The following CYRIA variants were observed in gnomAD, a reference collection of about 807,000 sequenced individuals.
CYRIA encodes the protein CYFIP related Rac1 interactor A.
Under a neutral mutation model 43.9 loss-of-function variants are expected in CYRIA, and 15 were observed. That is an observed-to-expected ratio of 0.34 (90% CI 0.23 to 0.53). The LOEUF is 0.53. Among genes scored for constraint, CYRIA ranks in the 20% least tolerant of loss-of-function variants. The pLI is 0.94. For missense variants in CYRIA, 236 were observed against 394.2 expected, an observed-to-expected ratio of 0.60 and a Z score of 3.40; for synonymous variants, 117 against 136.0, an observed-to-expected ratio of 0.86 and a Z score of 0.97.
intron 2 of CYRIA, among the ~76,000 whole-genome samples, chr2:16,613,259 C>G (rs1437904129): frequency 6.6e-6 from 1 of 152,218 alleles, no homozygotes; most frequent in African/African-American, 2.4e-5. Flanking sequence ...CTGCCTCCAC[C>G]TCTGGGCAGG....
intron 1 of CYRIA, among the ~76,000 whole-genome samples, chr2:16,632,390 G>C (rs1364110662): frequency 6.6e-6 from 1 of 152,204 alleles, no homozygotes; most frequent in African/African-American, 2.4e-5. Flanking sequence ...CTGAAGTTCA[G>C]AGGGTGCCTG....
At chr2:16,607,214 C>T (rs546366142) in intron 2 of CYRIA, among the ~76,000 whole-genome samples, 116 of 151,138 alleles carry the variant, frequency 7.7e-4, no homozygotes, top group African/African-American at 2.6e-3. Flanking sequence ...GCTTGGTACC[C>T]GAGCAAGCTG....
At chr2:16,601,293 G>C (rs879312937) in intron 2 of CYRIA, among the ~76,000 whole-genome samples, 13 of 152,156 alleles carry the variant, frequency 8.5e-5, no homozygotes, top group Admixed American at 2.6e-4. Context: ...TTGGCTGAGA[G>C]AAGCCCTCCA....
intron 3 of CYRIA, among the ~76,000 whole-genome samples, chr2:16,581,612 T>C (rs1052698825): frequency 2.0e-5 from 3 of 152,168 alleles, no homozygotes; most frequent in African/African-American, 4.8e-5. Context: ...TGGGTACATA[T>C]GCTATGTATA....
intron 2 of CYRIA, 76 bp from the exon 3 acceptor site, chr2:16,588,205 C>T (rs1226514322): frequency 2.3e-6 from 2 of 882,450 alleles, no homozygotes; most frequent in African/African-American, 1.7e-5. Context: ...CCCTGGGCCC[C>T]CCATAGCTAC....
At chr2:16,658,378 G>T (rs1173262080) in intron 1 of CYRIA, among the ~76,000 whole-genome samples, 2 of 152,168 alleles carry the variant, frequency 1.3e-5, no homozygotes, top group Non-Finnish European at 2.9e-5. Context: ...TTATTCAAAG[G>T]TCAGGCCAGA....
chr2:16,637,113 G>C (rs1363595782), intron 1 of CYRIA, among the ~76,000 whole-genome samples: 1 of 150,916 alleles, frequency 6.6e-6, no homozygotes. Flanking sequence ...AGTGGATCTT[G>C]TGATGCCCAG....
At chr2:16,566,016 G>A (rs937031058) in intron 3 of CYRIA, among the ~76,000 whole-genome samples, 1 of 152,088 alleles carries the variant, frequency 6.6e-6, no homozygotes, top group East Asian at 1.9e-4. Context: ...GTCATCATAG[G>A]CACTTATTTA....
chr2:16,663,881 C>T (rs372519448), intron 1 of CYRIA, among the ~76,000 whole-genome samples: 1 of 152,102 alleles, frequency 6.6e-6, no homozygotes, highest in African/African-American at 2.4e-5. Context: ...TGTGATCCCT[C>T]GGACAGGACC....
At position 16,650,758 on chromosome 2, in the gene CYRIA, T is replaced by A. The variant is rs1286941262; in HGVS notation, c.-167+15022A>T. The stretch of plus-strand genomic sequence containing the variant: ...GGAATGGCAACAATCAGAGGGTGTG[T>A]TATTTCACCAGGAAATTCAAACAGA... On this transcript the variant is annotated intron_variant, in intron 1 of 11. Coordinates refer to ENST00000381323, the MANE Select transcript of CYRIA (RefSeq NM_030797.4). The surrounding 1 kb of genome is among the most constrained non-coding windows in gnomAD (Gnocchi z 4.1). Among the ~76,000 whole-genome samples the A allele has an allele frequency of 1.3e-5, 2 of 152,166 alleles. No individual in the cohort carries two copies. Among genetic ancestry groups the A allele is most frequent in the Non-Finnish European group, 2.9e-5 (2 of 68,032 alleles).
intron 2 of CYRIA, among the ~76,000 whole-genome samples, chr2:16,589,056 G>T (rs1212895175): frequency 1.3e-5 from 2 of 152,018 alleles, no homozygotes; most frequent in Non-Finnish European, 2.9e-5. Context: ...TTTTAGGGAA[G>T]TCATCAATCC....
chr2:16,604,256 T>A (rs1240467468), intron 2 of CYRIA, among the ~76,000 whole-genome samples: 1 of 152,218 alleles, frequency 6.6e-6, no homozygotes, highest in Non-Finnish European at 1.5e-5. Context: ...GGAGGGCAAT[T>A]AAGACAATCT....
chr2:16,551,522 G>C lies in CYRIA; in HGVS notation c.*1414C>G, dbSNP rs1224527234. Reference sequence around the variant, plus strand: ...TCCTGGGTTCTAGGCCCACATGGGAGCCATCCTGTATGACCACATCCTCTG... The same window carrying C: ...TCCTGGGTTCTAGGCCCACATGGGACCCATCCTGTATGACCACATCCTCTG... On this transcript the variant is annotated 3_prime_UTR_variant, in exon 12 of 12. Transcript: ENST00000381323. 6.6e-6 allele frequency: 1 copy of C among 152,176 alleles called. No homozygotes were observed. Among genetic ancestry groups the C allele is most frequent in the African/African-American group, 2.4e-5 (1 of 41,446 alleles). The allele number at this position is 152,176 out of a possible 1,614,324, so 9.4% of individuals were successfully genotyped here. A position where few individuals can be genotyped will look rare whatever the true frequency, so the allele number is the denominator to read the frequency against.
chr2:16,614,922 C>T (rs956757670), intron 2 of CYRIA, among the ~76,000 whole-genome samples: 2 of 152,186 alleles, frequency 1.3e-5, no homozygotes, highest in Non-Finnish European at 2.9e-5. Context: ...AACTGCGGCA[C>T]AGCAAGATTC....
intron 1 of CYRIA, among the ~76,000 whole-genome samples, chr2:16,632,095 C>T (rs73918624): frequency 6.6e-6 from 1 of 152,158 alleles, no homozygotes; most frequent in Non-Finnish European, 1.5e-5. Context: ...ACCACTTATG[C>T]CATAAGGCCG....
intron 1 of CYRIA, among the ~76,000 whole-genome samples, chr2:16,645,762 TAC>T (rs982923195): frequency 1.6e-4 from 24 of 152,220 alleles, no homozygotes; most frequent in Non-Finnish European, 2.5e-4. Context: ...AGGAGGATGC[TAC>T]AGTTTATTTT....
At chr2:16,585,873 G>A (rs148999431) in intron 3 of CYRIA, among the ~76,000 whole-genome samples, 1 of 152,236 alleles carries the variant, frequency 6.6e-6, no homozygotes, top group Non-Finnish European at 1.5e-5. Flanking sequence ...TGATGCTCAG[G>A]AGAATACCAG....
intron 1 of CYRIA, among the ~76,000 whole-genome samples, chr2:16,663,273 C>T (rs1670310015): frequency 1.3e-5 from 2 of 152,316 alleles, no homozygotes; most frequent in South Asian, 2.1e-4. Flanking sequence ...CTGTCAACCC[C>T]ATTTTAAAGA....
chr2:16,566,660 T>C (rs984527845), intron 3 of CYRIA, among the ~76,000 whole-genome samples: 8 of 152,148 alleles, frequency 5.3e-5, no homozygotes, highest in African/African-American at 1.7e-4. Context: ...ATGAAAACAG[T>C]ATTCTAACAG....
Sources: gnomAD v4.1 joint callset for allele counts (sites outside exome capture counted in the v4.1 genomes callset) on GRCh38, gnomAD v4.1.1 for gene constraint, Gnocchi (gnomAD v3.1) non-coding constraint, MANE v1.5 for transcripts, NCBI Gene and HGNC (gene_info 2026-07-23, HGNC 2026-07-21) for gene names.